Variants in ITGBL1 observed in about 807,000 individuals in gnomAD.
The protein encoded by ITGBL1 is integrin beta-like protein 1.
Under a neutral mutation model 68.5 loss-of-function variants are expected in ITGBL1, and 51 were observed. The observed-to-expected ratio is 0.74, with a 90% CI of 0.59 to 0.94. ITGBL1 has a LOEUF of 0.94. ITGBL1 is among the 40% of genes least tolerant of loss of function. ITGBL1 has a pLI of 0.00. For missense variants in ITGBL1, 649 were observed against 647.4 expected (o/e 1.00, Z -0.03); for synonymous variants, 209 against 227.3 (o/e 0.92, Z 0.72).
chr13:101,698,522 G>T (rs532889420), intron 8 of ITGBL1, among the ~76,000 whole-genome samples: 1 of 152,280 alleles, frequency 6.6e-6, no homozygotes, highest in South Asian at 2.1e-4. Context: ...AAGAAAATCA[G>T]CATGAAGTGA....
At chr13:101,700,553 A>G (rs962248665) in intron 8 of ITGBL1, among the ~76,000 whole-genome samples, 1 of 152,224 alleles carries the variant, frequency 6.6e-6, no homozygotes, top group Non-Finnish European at 1.5e-5. Context: ...AGTGTAAACT[A>G]TATCGTCACA....
At chr13:101,463,254 C>T (rs2048340841) in intron 2 of ITGBL1, among the ~76,000 whole-genome samples, 2 of 152,232 alleles carry the variant, frequency 1.3e-5, no homozygotes, top group African/African-American at 4.8e-5. Context: ...AAATTCATGT[C>T]TTGGAATTAC....
chr13:101,494,506 G>A (rs573530627), intron 2 of ITGBL1, among the ~76,000 whole-genome samples: 31 of 152,174 alleles, frequency 2.0e-4, no homozygotes, highest in Non-Finnish European at 3.7e-4. Context: ...TGCTTCATAC[G>A]CACTTTCTCA....
chr13:101,621,255 G>A lies in ITGBL1; in HGVS notation c.1015+22956G>A, dbSNP rs533750178. ...CCAGGCATCCTTCCACTCCCTGGGT[G>A]TGTATGGAATTAGAAACATGTACCA... On this transcript the variant is annotated intron_variant, in intron 7 of 10. Transcript: ENST00000376180. 1.2e-4 allele frequency among the ~76,000 whole-genome samples: 18 copies of A among 152,290 alleles called. No homozygotes were observed. In the East Asian group the frequency reaches 1.5e-3, roughly 13 times the overall value.
chr13:101,519,056 T>C (rs940220255), intron 2 of ITGBL1, among the ~76,000 whole-genome samples: 3 of 152,182 alleles, frequency 2.0e-5, no homozygotes, highest in African/African-American at 7.2e-5. Flanking sequence ...CTTTTTCTAA[T>C]AGATACTAAA....
intron 2 of ITGBL1, among the ~76,000 whole-genome samples, chr13:101,534,982 A>G (rs903982079): frequency 1.3e-5 from 2 of 152,136 alleles, no homozygotes; most frequent in South Asian, 2.1e-4. Flanking sequence ...GATTGTGACC[A>G]CCATGCTTAT....
At chr13:101,685,485 G>C (rs1318231504) in intron 7 of ITGBL1, among the ~76,000 whole-genome samples, 2 of 151,808 alleles carry the variant, frequency 1.3e-5, no homozygotes, top group African/African-American at 4.8e-5. Flanking sequence ...AATGATCTTG[G>C]CTCTTTATTA....
chr13:101,547,006 A>G (rs904677514), intron 2 of ITGBL1, among the ~76,000 whole-genome samples: 1 of 151,994 alleles, frequency 6.6e-6, no homozygotes, highest in Non-Finnish European at 1.5e-5. Flanking sequence ...ATAAAACACA[A>G]AATAAAATCC....
chr13:101,633,765 G>A (rs1457116194), intron 7 of ITGBL1, among the ~76,000 whole-genome samples: 3 of 152,160 alleles, frequency 2.0e-5, no homozygotes, highest in Non-Finnish European at 4.4e-5. Flanking sequence ...GGTTATTATT[G>A]TGGCAAAATC....
At chr13:101,669,951 T>C (rs1232475126) in intron 7 of ITGBL1, among the ~76,000 whole-genome samples, 2 of 152,174 alleles carry the variant, frequency 1.3e-5, no homozygotes, top group African/African-American at 4.8e-5. Context: ...CTTTTCATAT[T>C]GTTAAAGTTG....
At chr13:101,644,445 G>A (rs190598121) in intron 7 of ITGBL1, among the ~76,000 whole-genome samples, 1 of 152,266 alleles carries the variant, frequency 6.6e-6, no homozygotes, top group East Asian at 1.9e-4. Flanking sequence ...TGATTGCGAT[G>A]CCTATGGACA....
intron 7 of ITGBL1, among the ~76,000 whole-genome samples, chr13:101,619,332 C>G (rs934900729): frequency 1.3e-5 from 2 of 151,704 alleles, no homozygotes; most frequent in Admixed American, 6.6e-5. Flanking sequence ...TGGGTGTGCC[C>G]AATACAATCA....
intron 6 of ITGBL1, among the ~76,000 whole-genome samples, chr13:101,592,327 A>G (rs1252491954): frequency 1.3e-5 from 2 of 152,140 alleles, no homozygotes; most frequent in African/African-American, 4.8e-5. Flanking sequence ...AGTGCATGAA[A>G]ATAAAGTGTG....
At chr13:101,669,684 T>C (rs186224624) in intron 7 of ITGBL1, among the ~76,000 whole-genome samples, 104 of 152,324 alleles carry the variant, frequency 6.8e-4, no homozygotes, top group African/African-American at 2.3e-3. Flanking sequence ...TTGTTTCTTT[T>C]AATTTTCAAT....
chr13:101,510,031 T>C (rs1044645752), intron 2 of ITGBL1, among the ~76,000 whole-genome samples: 1 of 152,108 alleles, frequency 6.6e-6, no homozygotes, highest in African/African-American at 2.4e-5. Flanking sequence ...CTTTAATTAA[T>C]TTATCTTTTA....
intron 7 of ITGBL1, among the ~76,000 whole-genome samples, chr13:101,618,047 A>G (rs1249319468): frequency 1.3e-5 from 2 of 152,216 alleles, no homozygotes; most frequent in Non-Finnish European, 2.9e-5. Flanking sequence ...TCTTCCTAGT[A>G]TTCACTTTAG....
intron 2 of ITGBL1, among the ~76,000 whole-genome samples, chr13:101,553,226 A>G (rs1480804011): frequency 6.6e-6 from 1 of 152,204 alleles, no homozygotes; most frequent in East Asian, 1.9e-4. Context: ...GACACATGTT[A>G]GCAAGGAGAA....
chr13:101,530,509 T>C (rs2049455194), intron 2 of ITGBL1, among the ~76,000 whole-genome samples: 2 of 152,206 alleles, frequency 1.3e-5, no homozygotes, highest in African/African-American at 4.8e-5. Context: ...CACTGTCTTC[T>C]AGTTTCCCAG....
At position 101,711,129 on chromosome 13, in the gene ITGBL1, T is replaced by A. The variant is rs181277734; in HGVS notation, c.1280-3309T>A. The A allele has an allele frequency of 1.8e-4, 28 of 152,340 alleles. No individual in the cohort carries two copies. In the East Asian group the frequency reaches 5.4e-3, roughly 29 times the overall value. 9.4% of individuals were successfully genotyped at this position (152,340 alleles called of 1,614,324 possible). On this transcript the variant is annotated intron_variant, in intron 9 of 10. Coordinates refer to ENST00000376180, the MANE Select transcript of ITGBL1 (RefSeq NM_004791.3). ...CCTAAGCTTAGCTACCTTTGCAAAG[T>A]ACATGATATAATTCATTGTGGGTTG... is the stretch of plus-strand genomic sequence containing the variant.
Sources: allele counts gnomAD v4.1 joint callset (sites outside exome capture counted in the v4.1 genomes callset), GRCh38; gene constraint gnomAD v4.1.1; transcripts MANE v1.5; gene names NCBI Gene and HGNC (gene_info 2026-07-23, HGNC 2026-07-21).